The following YAP1 variants were observed in gnomAD, a reference collection of about 807,000 sequenced individuals.
YAP1 encodes transcriptional coactivator YAP1.
A neutral mutation model predicts 56.9 loss-of-function variants in YAP1; 5 were observed. The observed-to-expected ratio is 0.09, with a 90% CI of 0.05 to 0.18. The LOEUF (loss-of-function observed/expected upper bound fraction) is 0.18, where lower values mean the gene tolerates loss of function less well. YAP1 is among the 10% of genes least tolerant of loss of function. The pLI is 1.00. For synonymous variants in YAP1, 265 were observed against 248.1 expected (o/e 1.07, Z -0.64); for missense variants, 539 against 651.8 (o/e 0.83, Z 1.88).
At chr11:102,111,691 T>G (rs1180668878) in intron 1 of YAP1, among the ~76,000 whole-genome samples, 1 of 152,198 alleles carries the variant, frequency 6.6e-6, no homozygotes, top group Non-Finnish European at 1.5e-5. Context: ...CTGGGCCCCT[T>G]TCCTTTGCGG....
intron 2 of YAP1, among the ~76,000 whole-genome samples, chr11:102,139,975 G>T (rs956451661): frequency 6.6e-6 from 1 of 152,024 alleles, no homozygotes; most frequent in Admixed American, 6.6e-5. Context: ...AATTTGATTT[G>T]GTATCAGCAA....
intron 7 of YAP1, among the ~76,000 whole-genome samples, chr11:102,224,745 G>A (rs1565288497): frequency 6.6e-6 from 1 of 152,200 alleles, no homozygotes; most frequent in Non-Finnish European, 1.5e-5. Flanking sequence ...TGTATTTTAA[G>A]TTTGTATTTA....
chr11:102,130,235 A>G (rs1335327117), intron 2 of YAP1, among the ~76,000 whole-genome samples: 4 of 152,172 alleles, frequency 2.6e-5, no homozygotes, highest in African/African-American at 9.7e-5. Context: ...GTGGAACAGA[A>G]TTGGTACACC....
intron 2 of YAP1, among the ~76,000 whole-genome samples, chr11:102,145,159 C>A (rs1418333945): frequency 6.6e-6 from 1 of 152,090 alleles, no homozygotes; most frequent in African/African-American, 2.4e-5. Context: ...GAGACTGTGA[C>A]CTCTTGATCC....
chr11:102,129,511 G>T (rs112526546), intron 2 of YAP1, among the ~76,000 whole-genome samples: 10,757 of 151,410 alleles, frequency 0.071, 517 homozygotes, highest in Middle Eastern at 0.12. Flanking sequence ...CCAGCTGCTC[G>T]GGAGGCTGAG....
chr11:102,165,556 A>C (rs972339372), intron 3 of YAP1, among the ~76,000 whole-genome samples: 1 of 152,046 alleles, frequency 6.6e-6, no homozygotes, highest in Admixed American at 6.6e-5. Flanking sequence ...CATAAAGGAG[A>C]GGGTTGTGAG....
At chr11:102,210,454 A>G (rs1327351617) in intron 6 of YAP1, among the ~76,000 whole-genome samples, 4 of 152,268 alleles carry the variant, frequency 2.6e-5, no homozygotes, top group Non-Finnish European at 5.9e-5. Context: ...TTGGAGCACC[A>G]TGATGATAAA....
chr11:102,112,521 G>A (rs918786196), intron 1 of YAP1: 2 of 975,634 alleles, frequency 2.0e-6, no homozygotes, highest in Non-Finnish European at 2.4e-6. Flanking sequence ...ATACTGCAAT[G>A]TAGTTAGCCC....
At position 102,168,003 on chromosome 11, in the gene YAP1, C is replaced by T. The variant is rs147698189; in HGVS notation, c.688+5432C>T. On this transcript the variant is annotated intron_variant, in intron 3 of 8. Transcript: ENST00000282441. ...AGGCTGCAGTGAGCCATATTTGCACCACTGCATTCCAGCCTGGACAACAGA... is the reference window on the plus strand; with the variant it reads ...AGGCTGCAGTGAGCCATATTTGCACTACTGCATTCCAGCCTGGACAACAGA... Among the ~76,000 whole-genome samples, 500 of 152,148 alleles carry T rather than the reference C, an allele frequency of 3.3e-3. 5 individuals carry two copies. Among genetic ancestry groups the T allele is most frequent in the African/African-American group, 0.011 (475 of 41,522 alleles).
chr11:102,141,666 A>G (rs1302929891), intron 2 of YAP1, among the ~76,000 whole-genome samples: 3 of 152,196 alleles, frequency 2.0e-5, no homozygotes, highest in Non-Finnish European at 4.4e-5. Flanking sequence ...ACTTTGCTTT[A>G]TCTGTCATGG....
chr11:102,156,199 A>C (rs1382905743), intron 2 of YAP1, among the ~76,000 whole-genome samples: 5 of 152,234 alleles, frequency 3.3e-5, no homozygotes, highest in Non-Finnish European at 7.3e-5. Context: ...AGTTTAAGCA[A>C]AACAGTAGAA....
intron 2 of YAP1, among the ~76,000 whole-genome samples, chr11:102,116,481 T>G (rs1238323794): frequency 2.0e-5 from 3 of 152,192 alleles, no homozygotes; most frequent in Non-Finnish European, 4.4e-5. Context: ...GAAGAAATGT[T>G]TCTCTTAAAG....
At chr11:102,122,280 C>T (rs1470725869) in intron 2 of YAP1, among the ~76,000 whole-genome samples, 5 of 151,810 alleles carry the variant, frequency 3.3e-5, no homozygotes, top group Non-Finnish European at 7.4e-5. Context: ...AAAAAATGGG[C>T]GTGGTAGCCC....
intron 6 of YAP1, among the ~76,000 whole-genome samples, chr11:102,220,501 G>A (rs1949872633): frequency 6.6e-6 from 1 of 152,112 alleles, no homozygotes; most frequent in Non-Finnish European, 1.5e-5. Flanking sequence ...GTTGGGATTT[G>A]CTGGGCTGAG....
rs1055050177 is a variant in YAP1, at chr11:102,231,663, G to A, written c.*1723G>A. ...GAATTAACTCTTCAATATAAGCTAT[G>A]AAGTAATAGTTGGTTGTGAATTAAA... On this transcript the variant is annotated 3_prime_UTR_variant, in exon 9 of 9. Coordinates refer to ENST00000282441, the MANE Select transcript of YAP1 (RefSeq NM_001130145.3). The A allele has an allele frequency of 1.3e-5, 2 of 152,582 alleles. No individual in the cohort carries two copies. Among genetic ancestry groups the A allele is most frequent in the African/African-American group, 4.8e-5 (2 of 41,452 alleles). The allele number at this position is 152,582 out of a possible 1,614,324, so 9.5% of individuals were successfully genotyped here. A position where few individuals can be genotyped will look rare whatever the true frequency, so the allele number is the denominator to read the frequency against.
intron 3 of YAP1, among the ~76,000 whole-genome samples, chr11:102,177,717 G>A (rs1947345784): frequency 6.6e-6 from 1 of 151,760 alleles, no homozygotes; most frequent in Admixed American, 6.6e-5. Context: ...AGTTTTGAGG[G>A]ACAAATGGAA....
chr11:102,131,284 A>G (rs1228577715), intron 2 of YAP1, among the ~76,000 whole-genome samples: 1 of 152,162 alleles, frequency 6.6e-6, no homozygotes, highest in Non-Finnish European at 1.5e-5. Context: ...AACTCACTAT[A>G]AGTGCTTTTG....
chr11:102,117,702 G>A (rs1056933900), intron 2 of YAP1, among the ~76,000 whole-genome samples: 1 of 152,196 alleles, frequency 6.6e-6, no homozygotes, highest in African/African-American at 2.4e-5. Context: ...GTGGAAGTAT[G>A]GTGCTAGTTA....
intron 2 of YAP1, among the ~76,000 whole-genome samples, chr11:102,135,144 C>T (rs1251919583): frequency 1.3e-5 from 2 of 152,212 alleles, no homozygotes; most frequent in African/African-American, 4.8e-5. Flanking sequence ...ACTGGGATTA[C>T]AGCCTGACCA....
Sources: allele counts gnomAD v4.1 joint callset (sites outside exome capture counted in the v4.1 genomes callset), GRCh38; gene constraint gnomAD v4.1.1; transcripts MANE v1.5; gene names NCBI Gene and HGNC (gene_info 2026-07-23, HGNC 2026-07-21).